IL1RAPL1: variants seen among roughly 807,000 people sequenced by gnomAD.
The protein encoded by IL1RAPL1 is interleukin-1 receptor accessory protein-like 1.
A neutral mutation model predicts 48.4 loss-of-function variants in IL1RAPL1; 3 were observed. That is an observed-to-expected ratio of 0.06 (90% CI 0.03 to 0.16). The LOEUF is 0.16. IL1RAPL1 is among the 10% of genes least tolerant of loss of function. IL1RAPL1 has a pLI of 1.00. For missense variants in IL1RAPL1, 349 were observed against 530.6 expected, an observed-to-expected ratio of 0.66 and a Z score of 3.36; for synonymous variants, 185 against 187.7, an observed-to-expected ratio of 0.99 and a Z score of 0.12.
chrX:29,104,654 GC>G (rs1484847206), intron 2 of IL1RAPL1, among the ~76,000 whole-genome samples: 2 of 111,223 alleles, frequency 1.8e-5, no homozygotes, highest in Non-Finnish European at 3.8e-5. Context: ...AAGGATAAAT[GC>G]TTGAGGTGAT....
At chrX:28,713,995 T>G (rs774239317) in intron 1 of IL1RAPL1, among the ~76,000 whole-genome samples, 1 of 112,264 alleles carries the variant, frequency 8.9e-6, no homozygotes, top group Admixed American at 9.5e-5. Context: ...TCAATGAGTT[T>G]TCAGAGCTTT....
At chrX:29,705,310 G>A (rs1271224279) in intron 6 of IL1RAPL1, among the ~76,000 whole-genome samples, 2 of 111,588 alleles carry the variant, frequency 1.8e-5, no homozygotes, top group South Asian at 3.8e-4. Context: ...TGCCTCCTGG[G>A]TTTGAGTGAT....
chrX:28,628,971 G>A (rs985050931), intron 1 of IL1RAPL1, among the ~76,000 whole-genome samples: 5 of 111,488 alleles, frequency 4.5e-5, no homozygotes, highest in African/African-American at 9.8e-5. Flanking sequence ...TTTGCTAGCC[G>A]ATTCCATTTC....
chrX:29,340,764 G>A (rs1455389431), intron 3 of IL1RAPL1, among the ~76,000 whole-genome samples: 1 of 111,726 alleles, frequency 9.0e-6, no homozygotes, highest in Non-Finnish European at 1.9e-5. Flanking sequence ...ATAGATCTAA[G>A]CAACATAACA....
intron 2 of IL1RAPL1, among the ~76,000 whole-genome samples, chrX:29,080,984 CTT>C (rs1190426056): frequency 0.012 from 508 of 42,274 alleles, 3 homozygotes; most frequent in South Asian, 0.024. Context: ...TTCTTTCTTT[CTT>C]TCTTTCTTTC....
At chrX:28,643,080 G>T (rs1158688273) in intron 1 of IL1RAPL1, among the ~76,000 whole-genome samples, 2 of 110,709 alleles carry the variant, frequency 1.8e-5, no homozygotes, top group Non-Finnish European at 3.8e-5. Flanking sequence ...GTAGAGATGG[G>T]GTTTCACCAT....
At chrX:28,748,940 T>C (rs1936009080) in intron 1 of IL1RAPL1, among the ~76,000 whole-genome samples, 1 of 111,325 alleles carries the variant, frequency 9.0e-6, no homozygotes, top group Non-Finnish European at 1.9e-5. Flanking sequence ...CTTCCTCCCC[T>C]CCCTGCTCTC....
chrX:29,175,598 G>A (rs1277036293), intron 2 of IL1RAPL1, among the ~76,000 whole-genome samples: 2 of 110,159 alleles, frequency 1.8e-5, no homozygotes, highest in East Asian at 5.7e-4. Flanking sequence ...TGTAATCTCA[G>A]CACTTTGGGA....
At chrX:29,239,959 G>A (rs57479016) in intron 2 of IL1RAPL1, among the ~76,000 whole-genome samples, 6,912 of 107,567 alleles carry the variant, frequency 0.064, 593 homozygotes, top group African/African-American at 0.22. Context: ...TGACTCTTCT[G>A]CTTCCTTCTT....
chrX:29,092,225 C>T (rs1251860228), intron 2 of IL1RAPL1, among the ~76,000 whole-genome samples: 1 of 111,420 alleles, frequency 9.0e-6, no homozygotes, highest in Non-Finnish European at 1.9e-5. Context: ...TAAGTGTTTA[C>T]TTGAGGATAG....
At chrX:29,210,213 A>G (rs1046990456) in intron 2 of IL1RAPL1, among the ~76,000 whole-genome samples, 4 of 112,059 alleles carry the variant, frequency 3.6e-5, no homozygotes, top group African/African-American at 6.5e-5. Flanking sequence ...TTTACCCATT[A>G]TTTGCTTTTT....
At chrX:28,912,886 G>C (rs1923395058) in intron 2 of IL1RAPL1, among the ~76,000 whole-genome samples, 1 of 111,573 alleles carries the variant, frequency 9.0e-6, no homozygotes, top group African/African-American at 3.2e-5. Flanking sequence ...ATCAGCAAAA[G>C]TTTATGGTTG....
At chrX:29,890,126 TC>T (rs1188238937) in intron 6 of IL1RAPL1, among the ~76,000 whole-genome samples, 89 of 111,624 alleles carry the variant, frequency 8.0e-4, no homozygotes, top group African/African-American at 2.7e-3. Context: ...TTCTTTCTAT[TC>T]TCTCACTGTC....
At chrX:29,702,234 A>G (rs1198104748) in intron 6 of IL1RAPL1, among the ~76,000 whole-genome samples, 2 of 106,521 alleles carry the variant, frequency 1.9e-5, no homozygotes, top group Non-Finnish European at 3.9e-5. Flanking sequence ...AGCCTCGGCA[A>G]CAGGGCGAGA....
chrX:29,666,465 TTAA>T (rs970588856), intron 5 of IL1RAPL1, among the ~76,000 whole-genome samples: 2 of 109,077 alleles, frequency 1.8e-5, no homozygotes, highest in Non-Finnish European at 3.8e-5. Context: ...ATCAAAGAAC[TTAA>T]TAACCGTGTA....
At chrX:28,815,839 G>GTATGTGTATATATA (rs1467095474) in intron 2 of IL1RAPL1, among the ~76,000 whole-genome samples, 3 of 29,107 alleles carry the variant, frequency 1.0e-4, no homozygotes, top group African/African-American at 2.7e-4. Flanking sequence ...GTGTGTTTAT[G>GTATGTGTATATATA]TATATATATA....
chrX:29,608,448 AAGGAAGAGGAAAGGAAGAAAGAAAGG>A (rs1232169883), intron 5 of IL1RAPL1, among the ~76,000 whole-genome samples: 5 of 97,328 alleles, frequency 5.1e-5, no homozygotes, highest in East Asian at 3.2e-4. Context: ...GGGAGAAAGA[AAGGAAGAGGAAAGGAAGAAAGAAAGG>A]AGGAAAAGTA....
intron 6 of IL1RAPL1, among the ~76,000 whole-genome samples, chrX:29,853,653 G>A (rs758275214): frequency 3.6e-5 from 4 of 111,422 alleles, no homozygotes; most frequent in South Asian, 3.7e-4. Context: ...TTATTAAATC[G>A]ATTTAGAAGC....
Position 28,821,462 on chromosome X carries a change from A to G in IL1RAPL1, c.82+32037A>G, listed in dbSNP as rs774593101. Among the ~76,000 whole-genome samples the G allele has an allele frequency of 2.7e-5, 3 of 111,507 alleles. No homozygotes were observed. In the East Asian group the frequency reaches 8.6e-4, roughly 32 times the overall value. Reference sequence around the variant, plus strand: ...TATGTAAAATTACAAAAATCTTTTAAGTTTCCCAAAGACATTTCTCAGTGT... The same window carrying G: ...TATGTAAAATTACAAAAATCTTTTAGGTTTCCCAAAGACATTTCTCAGTGT... On this transcript the variant is annotated intron_variant, in intron 2 of 10. Coordinates refer to ENST00000378993, the MANE Select transcript of IL1RAPL1 (RefSeq NM_014271.4).
Sources: gnomAD v4.1 joint callset for allele counts (sites outside exome capture counted in the v4.1 genomes callset) on GRCh38, gnomAD v4.1.1 for gene constraint, MANE v1.5 for transcripts, NCBI Gene and HGNC (gene_info 2026-07-23, HGNC 2026-07-21) for gene names.